The following ZNF10 variants were observed in gnomAD, a reference collection of about 807,000 sequenced individuals.
ZNF10 encodes zinc finger protein 10 (KOX 1).
A neutral mutation model predicts 12.2 loss-of-function variants in ZNF10; 8 were observed. The ratio of observed to expected loss-of-function variants is 0.66; its 90% confidence interval spans 0.39 to 1.18. The LOEUF is 1.18. Among genes scored for constraint, ZNF10 ranks in the 50% most tolerant of loss-of-function variants. ZNF10 has a pLI of 0.01. For synonymous variants in ZNF10, 229 were observed against 228.2 expected (o/e 1.00, Z -0.03); for missense variants, 603 against 678.9 (o/e 0.89, Z 1.24).
intron 2 of ZNF10, among the ~76,000 whole-genome samples, 196 bp from the exon 3 acceptor site, chr12:133,150,825 TGTTTTCA>T (rs1322580912): frequency 2.0e-5 from 3 of 152,232 alleles, no homozygotes; most frequent in Non-Finnish European, 4.4e-5. Flanking sequence ...ACATAAAACT[TGTTTTCA>T]GACAGTAGGT....
At chr12:133,131,365 G>A (rs1184776057) in intron 1 of ZNF10, among the ~76,000 whole-genome samples, 1 of 151,052 alleles carries the variant, frequency 6.6e-6, no homozygotes, top group African/African-American at 2.4e-5. Flanking sequence ...CATAATATGA[G>A]TGTCAAAGAT....
At chr12:133,145,545 C>A (rs938196869) in intron 2 of ZNF10, among the ~76,000 whole-genome samples, 1 of 152,122 alleles carries the variant, frequency 6.6e-6, no homozygotes, top group East Asian at 1.9e-4. Context: ...TGCGGTGGCT[C>A]ATACCTATAA....
At chr12:133,143,445 G>A (rs1468133992) in intron 1 of ZNF10, 2 of 151,552 alleles carry the variant, frequency 1.3e-5, no homozygotes, top group Non-Finnish European at 2.9e-5. Context: ...TTAAAAAAAA[G>A]CCAAAGGCAC....
Position 133,144,498 on chromosome 12 carries a change from T to G in ZNF10, c.6T>G (p.Asp2Glu). MDAKSLTAWSRT... is the reference protein window; with the variant it reads MEAKSLTAWSRT... ...TCATCAAGAACAAGGAGGGCATGGATGCTAAGTCACTAACTGCCTGGTCCC... is the reference window on the plus strand; with the variant it reads ...TCATCAAGAACAAGGAGGGCATGGAGGCTAAGTCACTAACTGCCTGGTCCC... The change falls in exon 2 of 5, where the codon GAT becomes GAG. Residue 2 changes from aspartate to glutamate, a missense_variant. Asp to Glu is a conservative substitution (Grantham distance 45). Transcript: ENST00000248211. 6.2e-7 allele frequency: 1 copy of G among 1,614,098 alleles called. No individual in the cohort carries two copies. The highest frequency in any genetic ancestry group is 8.5e-7 in the Non-Finnish European group (1 of 1,179,954).
chr12:133,156,807 C>A lies in ZNF10; in HGVS notation c.1561C>A (p.Gln521Lys). The change falls in exon 5 of 5, where the codon CAA (glutamine) becomes AAA (lysine). Residue 521 changes from glutamine (Q) to lysine (K), a missense_variant. Physicochemically the swap from Gln to Lys is moderately conservative, Grantham distance 53. Transcript: ENST00000248211. ...TGGAGAAGAGACCTATAAATGTAATCAATGTGGCATTATCTTCAGCCAGAA... is the reference window on the plus strand; with the variant it reads ...TGGAGAAGAGACCTATAAATGTAATAAATGTGGCATTATCTTCAGCCAGAA... Reference protein sequence around the residue: ...HVGEETYKCNQCGIIFSQNSP... With the variant: ...HVGEETYKCNKCGIIFSQNSP... The A allele has an allele frequency of 1.3e-6, 2 of 1,555,304 alleles. No homozygotes were observed. The highest frequency in any genetic ancestry group is 1.2e-5 in the South Asian group (1 of 80,192).
chr12:133,145,937 C>G (rs1593843145), intron 2 of ZNF10, among the ~76,000 whole-genome samples: 1 of 152,188 alleles, frequency 6.6e-6, no homozygotes, highest in Non-Finnish European at 1.5e-5. Context: ...GTGGTGTCCC[C>G]ATGATATGCT....
At position 133,140,032 on chromosome 12, in the gene ZNF10, T is replaced by C. The variant is rs542552312; in HGVS notation, c.-59-4402T>C. The stretch of plus-strand genomic sequence containing the variant: ...CAGCCTGGGCAACATAGTGAGACCC[T>C]GTCTCTACAAAAATTTAAAGATTAG... On this transcript the variant is annotated intron_variant, in intron 1 of 4. Transcript: ENST00000248211. 1.3e-3 allele frequency among the ~76,000 whole-genome samples: 197 copies of C among 151,704 alleles called. 1 individual carries two copies. Among genetic ancestry groups the C allele is most frequent in the African/African-American group, 4.6e-3 (192 of 41,366 alleles).
chr12:133,147,233 G>A (rs527885036), intron 2 of ZNF10, among the ~76,000 whole-genome samples: 4 of 152,156 alleles, frequency 2.6e-5, no homozygotes, highest in Non-Finnish European at 5.9e-5. Flanking sequence ...TTGCATACAG[G>A]TTTTTGTGTG....
rs73427930 is a variant in ZNF10 at position 133,130,649 on chromosome 12, T to G, written c.-165T>G. ...CTCAGACTCACCTCTGACGCCGCTC[T>G]TCGCGCTCCGCTGGTGAATGGAGTC... On this transcript the variant is annotated 5_prime_UTR_variant, in exon 1 of 5. Transcript: ENST00000248211. The G allele has an allele frequency of 1.3e-5, 2 of 152,414 alleles. No homozygotes were observed. The highest frequency in any genetic ancestry group is 6.5e-5 in the Admixed American group (1 of 15,292). The allele number at this position is 152,414 out of a possible 1,614,324, so 9.4% of individuals were successfully genotyped here.
intron 1 of ZNF10, among the ~76,000 whole-genome samples, chr12:133,132,937 C>T (rs557639908): frequency 6.6e-5 from 10 of 152,086 alleles, no homozygotes; most frequent in Non-Finnish European, 1.5e-4. Flanking sequence ...ACCCATCTGT[C>T]CCTCTTTTTA....
intron 1 of ZNF10, among the ~76,000 whole-genome samples, chr12:133,137,205 T>C (rs1955917235): frequency 6.6e-6 from 1 of 152,216 alleles, no homozygotes; most frequent in Non-Finnish European, 1.5e-5. Flanking sequence ...GATTAAAGTA[T>C]TAGCCTACTA....
intron 1 of ZNF10, 110 bp from the exon 2 acceptor site, chr12:133,144,324 T>TA: frequency 1.7e-6 from 1 of 592,064 alleles, no homozygotes; most frequent in Non-Finnish European, 3.0e-6. Context: ...TGTTCCTCTG[T>TA]ATAGTGGGTG....
At chr12:133,149,870 G>C (rs1413221042) in intron 2 of ZNF10, among the ~76,000 whole-genome samples, 2 of 151,820 alleles carry the variant, frequency 1.3e-5, no homozygotes, top group African/African-American at 4.8e-5. Flanking sequence ...TGGTTTTTCA[G>C]CTTTATATTT....
chr12:133,141,172 C>T (rs1044576204), intron 1 of ZNF10, among the ~76,000 whole-genome samples: 1 of 152,180 alleles, frequency 6.6e-6, no homozygotes, highest in Non-Finnish European at 1.5e-5. Flanking sequence ...ATACTAGGCA[C>T]TGCTAAATCT....
intron 4 of ZNF10, among the ~76,000 whole-genome samples, chr12:133,153,459 C>G (rs1238663655): frequency 6.6e-6 from 1 of 152,112 alleles, no homozygotes; most frequent in Non-Finnish European, 1.5e-5. Flanking sequence ...TCAGCACCCC[C>G]CTTATCATAG....
chr12:133,142,078 C>G (rs1955947686), intron 1 of ZNF10, among the ~76,000 whole-genome samples: 1 of 152,058 alleles, frequency 6.6e-6, no homozygotes, highest in Admixed American at 6.6e-5. Context: ...AATAGAATTA[C>G]ACATTCAGGA....
chr12:133,151,225 T>C, intron 3 of ZNF10, 71 bp downstream of exon 3: 2 of 1,485,560 alleles, frequency 1.3e-6, no homozygotes, highest in Non-Finnish European at 1.8e-6. Context: ...CTGAAGCATG[T>C]ATCACACCAG....
chr12:133,143,096 C>G (rs772608698), intron 1 of ZNF10, among the ~76,000 whole-genome samples: 24 of 152,096 alleles, frequency 1.6e-4, no homozygotes, highest in Non-Finnish European at 2.9e-4. Context: ...CTCGAAAGGG[C>G]AAATATTGTA....
intron 2 of ZNF10, among the ~76,000 whole-genome samples, chr12:133,145,880 G>A (rs944393392): frequency 2.8e-5 from 4 of 145,000 alleles, no homozygotes; most frequent in Non-Finnish European, 5.9e-5. Context: ...CCACAGGTTC[G>A]CCTGATTTCA....
Sources: gnomAD v4.1 joint callset for allele counts (sites outside exome capture counted in the v4.1 genomes callset) on GRCh38, gnomAD v4.1.1 for gene constraint, MANE v1.5 for transcripts, NCBI Gene and HGNC (gene_info 2026-07-23, HGNC 2026-07-21) for gene names.